CNTNAP2: variants seen among roughly 807,000 people sequenced by gnomAD.
CNTNAP2 encodes the protein contactin-associated protein-like 2.
Under a neutral mutation model 155.2 loss-of-function variants are expected in CNTNAP2, and 98 were observed. The ratio of observed to expected loss-of-function variants is 0.63; its 90% confidence interval spans 0.54 to 0.75. The LOEUF (loss-of-function observed/expected upper bound fraction) is 0.75. Ranked by LOEUF, CNTNAP2 falls within the 30% of genes least tolerant of loss-of-function variation. CNTNAP2 has a pLI of 0.00. For synonymous variants in CNTNAP2, 651 were observed against 631.2 expected, an observed-to-expected ratio of 1.03 and a Z score of -0.47; for missense variants, 1,727 against 1,688.1, an observed-to-expected ratio of 1.02 and a Z score of -0.40.
chr7:148,158,957 T>C (rs989479812), intron 17 of CNTNAP2, among the ~76,000 whole-genome samples: 1 of 152,156 alleles, frequency 6.6e-6, no homozygotes, highest in African/African-American at 2.4e-5. Context: ...ATGACACAAA[T>C]ATTGAAGAAG....
At chr7:147,554,708 A>G (rs1799918319) in intron 11 of CNTNAP2, among the ~76,000 whole-genome samples, 1 of 152,168 alleles carries the variant, frequency 6.6e-6, no homozygotes, top group Non-Finnish European at 1.5e-5. Flanking sequence ...GGGAAAGATC[A>G]TGACACAATA....
intron 1 of CNTNAP2, among the ~76,000 whole-genome samples, chr7:146,282,099 A>G (rs895437545): frequency 1.3e-5 from 2 of 152,192 alleles, no homozygotes; most frequent in African/African-American, 4.8e-5. Context: ...CCACAGATGT[A>G]TGTTCATCAG....
intron 3 of CNTNAP2, among the ~76,000 whole-genome samples, chr7:146,876,542 C>T (rs1231524622): frequency 1.3e-5 from 2 of 152,114 alleles, no homozygotes; most frequent in South Asian, 2.1e-4. Context: ...TTGTAACTTT[C>T]GTTTGCCTCA....
At chr7:146,693,576 A>G (rs2129172017) in intron 1 of CNTNAP2, among the ~76,000 whole-genome samples, 1 of 152,314 alleles carries the variant, frequency 6.6e-6, no homozygotes, top group South Asian at 2.1e-4. Flanking sequence ...TTATTCTGCC[A>G]GAATATTATA....
chr7:146,337,089 C>T lies in CNTNAP2; in HGVS notation c.97+220116C>T, dbSNP rs150571908. 5.6e-3 allele frequency among the ~76,000 whole-genome samples: 845 copies of T among 152,182 alleles called. 3 individuals are homozygous for T. Among genetic ancestry groups the T allele is most frequent in the Middle Eastern group, 0.01 (3 of 294 alleles). On this transcript the variant is annotated intron_variant, in intron 1 of 23. Coordinates refer to ENST00000361727, the MANE Select transcript of CNTNAP2 (RefSeq NM_014141.6). Reference sequence around the variant, plus strand: ...TGGTTTAAATAGTGTGCTATAGTTACGTTAAATGAATTCATGGCAGAAACT... The same window carrying T: ...TGGTTTAAATAGTGTGCTATAGTTATGTTAAATGAATTCATGGCAGAAACT...
chr7:146,213,234 A>G (rs1799062981), intron 1 of CNTNAP2, among the ~76,000 whole-genome samples: 1 of 152,304 alleles, frequency 6.6e-6, no homozygotes, highest in African/African-American at 2.4e-5. Flanking sequence ...GGCAAACCTC[A>G]AAATTTAAAA....
chr7:147,902,808 G>GTA (rs1412466109), intron 13 of CNTNAP2, among the ~76,000 whole-genome samples: 95 of 130,828 alleles, frequency 7.3e-4, no homozygotes, highest in Admixed American at 2.9e-3. Context: ...GTGTGTGTGT[G>GTA]TGTGTATGTG....
At chr7:148,202,122 G>A (rs368214213) in intron 18 of CNTNAP2, among the ~76,000 whole-genome samples, 12 of 151,918 alleles carry the variant, frequency 7.9e-5, no homozygotes, top group East Asian at 3.9e-4. Flanking sequence ...AAGGAGTTGC[G>A]GTATTTCATA....
At chr7:147,757,670 G>T (rs1200380278) in intron 13 of CNTNAP2, among the ~76,000 whole-genome samples, 2 of 151,798 alleles carry the variant, frequency 1.3e-5, no homozygotes, top group African/African-American at 4.8e-5. Context: ...CTCTCAGTTG[G>T]CTCTTGTGTT....
chr7:148,070,826 C>G (rs1203976120), intron 15 of CNTNAP2, among the ~76,000 whole-genome samples: 2 of 152,090 alleles, frequency 1.3e-5, no homozygotes, highest in Non-Finnish European at 2.9e-5. Context: ...TAGTGGTAAA[C>G]TTTGTTATAT....
At chr7:146,671,972 C>A (rs992201889) in intron 1 of CNTNAP2, among the ~76,000 whole-genome samples, 1 of 151,984 alleles carries the variant, frequency 6.6e-6, no homozygotes, top group Non-Finnish European at 1.5e-5. Context: ...CCTGCCACTG[C>A]ACCCAAATAA....
chr7:147,773,038 ACTTT>A (rs1797499087), intron 13 of CNTNAP2, among the ~76,000 whole-genome samples: 1 of 152,062 alleles, frequency 6.6e-6, no homozygotes, highest in South Asian at 2.1e-4. Context: ...AGATTTTCAG[ACTTT>A]CTTTAAGAAA....
intron 1 of CNTNAP2, among the ~76,000 whole-genome samples, chr7:146,203,593 A>T (rs1798900954): frequency 6.6e-6 from 1 of 152,084 alleles, no homozygotes; most frequent in Admixed American, 6.6e-5. Context: ...AGTTTTCATT[A>T]CAAAGGCATG....
At chr7:146,970,412 A>T (rs1258296848) in intron 3 of CNTNAP2, among the ~76,000 whole-genome samples, 1 of 152,330 alleles carries the variant, frequency 6.6e-6, no homozygotes, top group Non-Finnish European at 1.5e-5. Context: ...ACATGAACAG[A>T]CACTTCTCAA....
At chr7:147,787,029 A>G (rs1797751494) in intron 13 of CNTNAP2, among the ~76,000 whole-genome samples, 1 of 151,820 alleles carries the variant, frequency 6.6e-6, no homozygotes, top group Non-Finnish European at 1.5e-5. Flanking sequence ...GAGAGAGAAG[A>G]CAAGACAAGA....
chr7:146,278,470 C>A (rs545881175), intron 1 of CNTNAP2, among the ~76,000 whole-genome samples: 81 of 152,152 alleles, frequency 5.3e-4, no homozygotes, highest in African/African-American at 1.9e-3. Flanking sequence ...TGAAAATAAT[C>A]TATAAAATAG....
intron 1 of CNTNAP2, among the ~76,000 whole-genome samples, chr7:146,199,086 T>G (rs1230260385): frequency 6.6e-6 from 1 of 152,196 alleles, no homozygotes; most frequent in Non-Finnish European, 1.5e-5. Flanking sequence ...ATGATGGTTG[T>G]AACTGTAAGT....
intron 1 of CNTNAP2, among the ~76,000 whole-genome samples, chr7:146,224,916 A>G (rs972136952): frequency 1.4e-4 from 21 of 152,322 alleles, no homozygotes; most frequent in Admixed American, 2.0e-4. Flanking sequence ...ATAAAATAAC[A>G]GAAATGCCCT....
At chr7:147,119,591 G>A (rs1801060301) in intron 5 of CNTNAP2, among the ~76,000 whole-genome samples, 1 of 151,568 alleles carries the variant, frequency 6.6e-6, no homozygotes, top group African/African-American at 2.4e-5. Flanking sequence ...CTCATTTTAC[G>A]CATACACACT....
Sources: gnomAD v4.1 joint callset for allele counts (sites outside exome capture counted in the v4.1 genomes callset) on GRCh38, gnomAD v4.1.1 for gene constraint, MANE v1.5 for transcripts, NCBI Gene and HGNC (gene_info 2026-07-23, HGNC 2026-07-21) for gene names.